Variants in PIEZO2 observed in about 807,000 individuals in gnomAD.
PIEZO2 encodes the protein piezo type mechanosensitive ion channel component 2, also known as piezo-type mechanosensitive ion channel component 2.
Under a neutral mutation model 337.3 loss-of-function variants are expected in PIEZO2, and 172 were observed. The observed-to-expected ratio is 0.51, with a 90% CI of 0.45 to 0.58. The LOEUF (loss-of-function observed/expected upper bound fraction) is 0.58. Among genes scored for constraint, PIEZO2 ranks in the 20% least tolerant of loss-of-function variants. The pLI, the probability that PIEZO2 is intolerant of heterozygous loss-of-function variation, is 0.00. For missense variants in PIEZO2, 3,028 were observed against 3,391.3 expected, an observed-to-expected ratio of 0.89 and a Z score of 2.66; for synonymous variants, 1,251 against 1,228.5, an observed-to-expected ratio of 1.02 and a Z score of -0.38.
chr18:10,725,116 G>A lies in PIEZO2; in HGVS notation c.5029+6291C>T, dbSNP rs2036479264. On this transcript the variant is annotated intron_variant, in intron 36 of 55. Transcript: ENST00000674853. ...GCATTACACCTACAATCCACAGTTCGAGTACCAGGAGCCCATGCCTATGGC... is the reference window on the plus strand; with the variant it reads ...GCATTACACCTACAATCCACAGTTCAAGTACCAGGAGCCCATGCCTATGGC... The A allele has an allele frequency of 6.8e-6, 10 of 1,468,496 alleles. No homozygotes were observed. In the South Asian group the frequency reaches 6.9e-5, roughly 10 times the overall value. 91.0% of individuals were successfully genotyped at this position (1,468,496 alleles called of 1,614,324 possible).
In PIEZO2 at chr18:11,094,547, T is replaced by A. The variant is rs1450901549; in HGVS notation, c.65-28325A>T. On this transcript the variant is annotated intron_variant, in intron 1 of 55. Coordinates refer to ENST00000674853, the MANE Select transcript of PIEZO2 (RefSeq NM_001378183.1). This position sits in a 1 kb window ranked among gnomAD's most constrained non-coding sequence, Gnocchi z 4.4. Reference sequence around the variant, plus strand: ...CCAGCAACTCTCCAAAAGCAGTCGCTAATTAATAAGTGCAGGCACTCAGAA... The same window carrying A: ...CCAGCAACTCTCCAAAAGCAGTCGCAAATTAATAAGTGCAGGCACTCAGAA... Among the ~76,000 whole-genome samples, 2 of 152,200 alleles carry A rather than the reference T, an allele frequency of 1.3e-5. No individual in the cohort carries two copies. The highest frequency in any genetic ancestry group is 2.9e-5 in the Non-Finnish European group (2 of 68,040).
chr18:10,697,955 C>T lies in PIEZO2; in HGVS notation c.6695-75G>A, dbSNP rs1029777986. The T allele has an allele frequency of 9.9e-6, 15 of 1,512,524 alleles. 1 individual carries two copies. The highest frequency in any genetic ancestry group is 4.3e-5 in the Admixed American group (2 of 46,918). The allele number at this position is 1,512,524 out of a possible 1,614,324, so 93.7% of individuals were successfully genotyped here. On this transcript the variant is annotated intron_variant, in intron 44 of 55. Coordinates refer to ENST00000674853, the MANE Select transcript of PIEZO2 (RefSeq NM_001378183.1). ...TCACCTAAATATCCAAGAAGCAGAACCCAGAGCCCACATGGTGGAGGGATA... is the reference window on the plus strand; with the variant it reads ...TCACCTAAATATCCAAGAAGCAGAATCCAGAGCCCACATGGTGGAGGGATA...
In PIEZO2 at chr18:10,792,284, A is replaced by G. The variant is rs181515659; in HGVS notation, c.1759-960T>C. 2.2e-3 allele frequency among the ~76,000 whole-genome samples: 334 copies of G among 152,290 alleles called. 3 individuals carry two copies. Among genetic ancestry groups the G allele is most frequent in the African/African-American group, 7.7e-3 (321 of 41,566 alleles). The stretch of plus-strand genomic sequence containing the variant: ...GGTTTTTAAAAATAGCTTTATTGAT[A>G]TATAATTCACATACCATGCAATTCA... On this transcript the variant is annotated intron_variant, in intron 13 of 55. Transcript: ENST00000674853.
chr18:10,811,909 C>T (rs950039285), intron 7 of PIEZO2, among the ~76,000 whole-genome samples: 1 of 152,222 alleles, frequency 6.6e-6, no homozygotes, highest in Non-Finnish European at 1.5e-5. Context: ...TCTCCGCTCA[C>T]TGCGAGCTCC....
At position 10,795,120 on chromosome 18, in the gene PIEZO2, T is replaced by G; in HGVS notation, c.1528-118A>C. 1 of 895,190 alleles carries G rather than the reference T, an allele frequency of 1.1e-6. No individual in the cohort carries two copies. Among genetic ancestry groups the G allele is most frequent in the Non-Finnish European group, 1.7e-6 (1 of 596,988 alleles). 55.5% of individuals were successfully genotyped at this position (895,190 alleles called of 1,614,324 possible). On this transcript the variant is annotated intron_variant, in intron 12 of 55. Coordinates refer to ENST00000674853, the MANE Select transcript of PIEZO2 (RefSeq NM_001378183.1). The surrounding 1 kb of genome is among the most constrained non-coding windows in gnomAD (Gnocchi z 4.4). ...GTCATAATATTCAAACCAGGGAGAG[T>G]AGAGAGTTGTGGTGGAGTGATGGAG...
intron 1 of PIEZO2, among the ~76,000 whole-genome samples, chr18:11,082,602 G>GT (rs1410182284): frequency 6.6e-6 from 1 of 152,044 alleles, no homozygotes; most frequent in Non-Finnish European, 1.5e-5. Flanking sequence ...CAGGCGTGAT[G>GT]TTTCACATAT....
At chr18:11,062,168 C>A (rs1173949810) in intron 2 of PIEZO2, among the ~76,000 whole-genome samples, 1 of 151,770 alleles carries the variant, frequency 6.6e-6, no homozygotes, top group Non-Finnish European at 1.5e-5. Context: ...AAATGATTCC[C>A]TATTTAATAA....
chr18:10,710,799 C>T (rs1486241854), intron 39 of PIEZO2, among the ~76,000 whole-genome samples: 3 of 152,200 alleles, frequency 2.0e-5, no homozygotes, highest in Non-Finnish European at 4.4e-5. Context: ...AGGGTTACTA[C>T]CTTTCCAGCA....
At chr18:11,057,671 G>A (rs1329969201) in intron 2 of PIEZO2, among the ~76,000 whole-genome samples, 1 of 152,156 alleles carries the variant, frequency 6.6e-6, no homozygotes, top group Non-Finnish European at 1.5e-5. Flanking sequence ...CAAGTGACCA[G>A]TCAACGTGGC....
chr18:10,967,713 T>A (rs1321608828), intron 3 of PIEZO2, among the ~76,000 whole-genome samples: 1 of 152,244 alleles, frequency 6.6e-6, no homozygotes, highest in African/African-American at 2.4e-5. Flanking sequence ...CGTTTTTTCA[T>A]ATGTTTGTTG....
chr18:11,074,858 T>C (rs879053903), intron 1 of PIEZO2, among the ~76,000 whole-genome samples: 2 of 152,238 alleles, frequency 1.3e-5, no homozygotes, highest in Admixed American at 6.5e-5. Context: ...TAATTTACCA[T>C]TCTATAGTAG....
chr18:10,810,546 C>T (rs188432927), intron 7 of PIEZO2, among the ~76,000 whole-genome samples: 1 of 152,180 alleles, frequency 6.6e-6, no homozygotes, highest in African/African-American at 2.4e-5. Context: ...TGGAGAAAAG[C>T]CCTGAGTCCC....
intron 2 of PIEZO2, among the ~76,000 whole-genome samples, chr18:11,050,620 G>C (rs1239064142): frequency 6.6e-6 from 1 of 151,778 alleles, no homozygotes; most frequent in Non-Finnish European, 1.5e-5. Flanking sequence ...GAGCAGAGTA[G>C]AATAAAATAT....
rs900246515 is a variant in PIEZO2 at position 11,109,213 on chromosome 18, G to A, written c.64+39312C>T. On this transcript the variant is annotated intron_variant, in intron 1 of 55. Transcript: ENST00000674853. This position sits in a 1 kb window ranked among gnomAD's most constrained non-coding sequence, Gnocchi z 5.1. ...TCCATAACCTCATGGAAGTGCAGCT[G>A]GAGATTTTATTAGCACTTTATGGTC... 2.0e-5 allele frequency among the ~76,000 whole-genome samples: 3 copies of A among 152,180 alleles called. No individual in the cohort carries two copies. The highest frequency in any genetic ancestry group is 6.5e-5 in the Admixed American group (1 of 15,272).
chr18:11,021,015 A>G lies in PIEZO2; in HGVS notation c.161-41355T>C, dbSNP rs966268174. 2.0e-5 allele frequency among the ~76,000 whole-genome samples: 3 copies of G among 152,264 alleles called. No individual in the cohort carries two copies. Among genetic ancestry groups the G allele is most frequent in the African/African-American group, 7.2e-5 (3 of 41,474 alleles). On this transcript the variant is annotated intron_variant, in intron 2 of 55. Transcript: ENST00000674853. The surrounding 1 kb of genome is among the most constrained non-coding windows in gnomAD (Gnocchi z 4.7). Reference sequence around the variant, plus strand: ...AACTGTTCCACTGCCTTAAGTCGACATTCCTGCTCAGCAGAAAAGCACTAA... The same window carrying G: ...AACTGTTCCACTGCCTTAAGTCGACGTTCCTGCTCAGCAGAAAAGCACTAA...
chr18:10,706,281 G>GAT (rs1398049686), intron 40 of PIEZO2, among the ~76,000 whole-genome samples: 4 of 152,164 alleles, frequency 2.6e-5, no homozygotes, highest in African/African-American at 9.7e-5. Context: ...CTGTGTGCTT[G>GAT]ATAAAAAATG....
At chr18:10,691,959 G>T (rs1469607413) in intron 47 of PIEZO2, among the ~76,000 whole-genome samples, 1 of 151,280 alleles carries the variant, frequency 6.6e-6, no homozygotes, top group Non-Finnish European at 1.5e-5. Flanking sequence ...TATGTTATGG[G>T]GTTTGTTTCC....
Position 10,855,928 on chromosome 18 carries a change from A to T in PIEZO2, c.704-362T>A, listed in dbSNP as rs1424202054. On this transcript the variant is annotated intron_variant, in intron 6 of 55. Coordinates refer to ENST00000674853, the MANE Select transcript of PIEZO2 (RefSeq NM_001378183.1). This position sits in a 1 kb window ranked among gnomAD's most constrained non-coding sequence, Gnocchi z 4.9. ...AATTTTCAAGAATTCATGTATCTGT[A>T]TGTCTGTTCCAACCTTTCCTGACAC... 6.6e-6 allele frequency among the ~76,000 whole-genome samples: 1 copy of T among 151,670 alleles called. No individual in the cohort carries two copies. Among genetic ancestry groups the T allele is most frequent in the Non-Finnish European group, 1.5e-5 (1 of 67,958 alleles).
intron 27 of PIEZO2, among the ~76,000 whole-genome samples, chr18:10,757,280 T>C (rs2037909802): frequency 7.8e-6 from 1 of 128,912 alleles, no homozygotes; most frequent in African/African-American, 3.0e-5. Flanking sequence ...GGATGGAGGA[T>C]GGATGAGGAG....
Sources: gnomAD v4.1 joint callset for allele counts (sites outside exome capture counted in the v4.1 genomes callset) on GRCh38, gnomAD v4.1.1 for gene constraint, Gnocchi (gnomAD v3.1) non-coding constraint, MANE v1.5 for transcripts, NCBI Gene and HGNC (gene_info 2026-07-23, HGNC 2026-07-21) for gene names.